The following PTPRD variants were observed in gnomAD, a reference collection of about 807,000 sequenced individuals.
PTPRD encodes protein tyrosine phosphatase receptor type D, also known as receptor-type tyrosine-protein phosphatase delta.
In PTPRD, 34 loss-of-function variants were observed where a neutral mutation model predicts 214.5. The ratio of observed to expected loss-of-function variants is 0.16; its 90% confidence interval spans 0.12 to 0.21. The LOEUF is 0.21. Ranked by LOEUF, PTPRD falls within the 10% of genes least tolerant of loss-of-function variation. The pLI, the probability that PTPRD is intolerant of heterozygous loss-of-function variation, is 1.00. For synonymous variants in PTPRD, 1,128 were observed against 845.7 expected (o/e 1.33, Z -5.79); for missense variants, 2,545 against 2,398.7 (o/e 1.06, Z -1.27).
chr9:8,517,568 C>G (rs1215596514), intron 21 of PTPRD, among the ~76,000 whole-genome samples: 1 of 152,172 alleles, frequency 6.6e-6, no homozygotes, highest in Non-Finnish European at 1.5e-5. Context: ...CAAAACTGGG[C>G]ATGGGGGAGA....
chr9:10,117,170 G>T (rs563735938), intron 3 of PTPRD, among the ~76,000 whole-genome samples: 9 of 151,928 alleles, frequency 5.9e-5, no homozygotes, highest in Non-Finnish European at 1.0e-4. Flanking sequence ...AAACATTTGT[G>T]CAACAAAAGA....
intron 8 of PTPRD, among the ~76,000 whole-genome samples, chr9:9,569,064 G>A (rs571669393): frequency 6.6e-6 from 1 of 151,676 alleles, no homozygotes; most frequent in Non-Finnish European, 1.5e-5. Context: ...CATTTTGCTA[G>A]GTAATGGCCA....
chr9:8,375,258 A>C (rs972964855), intron 39 of PTPRD, among the ~76,000 whole-genome samples: 11 of 152,106 alleles, frequency 7.2e-5, no homozygotes, highest in African/African-American at 2.6e-4. Context: ...AAAATCTATA[A>C]ACATTTATAT....
chr9:10,370,040 T>C (rs1436557175), intron 2 of PTPRD, among the ~76,000 whole-genome samples: 1 of 152,068 alleles, frequency 6.6e-6, no homozygotes, highest in African/African-American at 2.4e-5. Flanking sequence ...TTTCTACAGA[T>C]GTTGAAACTG....
intron 11 of PTPRD, among the ~76,000 whole-genome samples, chr9:8,856,522 T>C (rs2097918331): frequency 6.6e-6 from 1 of 151,972 alleles, no homozygotes; most frequent in African/African-American, 2.4e-5. Flanking sequence ...TCACTGGCAC[T>C]GTGTCTTTGC....
chr9:9,346,380 C>G (rs1264473971), intron 9 of PTPRD, among the ~76,000 whole-genome samples: 1 of 151,990 alleles, frequency 6.6e-6, no homozygotes, highest in Non-Finnish European at 1.5e-5. Flanking sequence ...GAAAAAGTAA[C>G]CAAAAATTAA....
At chr9:9,995,008 A>G (rs916895629) in intron 4 of PTPRD, among the ~76,000 whole-genome samples, 2 of 152,152 alleles carry the variant, frequency 1.3e-5, no homozygotes, top group Non-Finnish European at 2.9e-5. Flanking sequence ...ATTTACATAT[A>G]TAAGCAAAAT....
At chr9:10,530,330 GA>G (rs2055833991) in intron 2 of PTPRD, among the ~76,000 whole-genome samples, 1 of 151,756 alleles carries the variant, frequency 6.6e-6, no homozygotes, top group African/African-American at 2.4e-5. Context: ...CTTTTTAGAG[GA>G]AAAAAATCTA....
chr9:9,767,859 C>T (rs1474952056), intron 5 of PTPRD, among the ~76,000 whole-genome samples: 1 of 152,072 alleles, frequency 6.6e-6, no homozygotes, highest in Non-Finnish European at 1.5e-5. Flanking sequence ...ATCCAGTAAA[C>T]TGGATTCAGA....
At chr9:9,175,941 A>G (rs531146064) in intron 10 of PTPRD, among the ~76,000 whole-genome samples, 1 of 152,260 alleles carries the variant, frequency 6.6e-6, no homozygotes, top group Non-Finnish European at 1.5e-5. Flanking sequence ...AGAAGCACAA[A>G]GTCTTTTATA....
intron 2 of PTPRD, among the ~76,000 whole-genome samples, chr9:10,536,015 A>G (rs537386941): frequency 2.4e-4 from 36 of 152,262 alleles, no homozygotes; most frequent in African/African-American, 8.7e-4. Context: ...AGGGTATAAA[A>G]GAGTTTTTTT....
In PTPRD at chr9:10,416,199, T is replaced by A. The variant is rs1392008846; in HGVS notation, c.-599-75182A>T. On this transcript the variant is annotated intron_variant, in intron 2 of 45. Coordinates refer to ENST00000381196, the MANE Select transcript of PTPRD (RefSeq NM_002839.4). ...CCCACCTCTACTAAAAAAAAAAAAA[T>A]TAGAAAAAATTAGCCAGGCATGGTG... Among the ~76,000 whole-genome samples, 12 of 150,010 alleles carry A rather than the reference T, an allele frequency of 8.0e-5. No individual in the cohort carries two copies. The South Asian group carries it at 1.7e-3, about 21-fold the overall frequency.
intron 3 of PTPRD, among the ~76,000 whole-genome samples, chr9:10,123,436 A>G (rs1247495405): frequency 6.6e-6 from 1 of 152,170 alleles, no homozygotes; most frequent in Non-Finnish European, 1.5e-5. Flanking sequence ...ATTTGCTTTT[A>G]TTTGCCTTTC....
rs1242406289 is a variant in PTPRD at position 10,587,517 on chromosome 9, A to G, written c.-600+24881T>C. On this transcript the variant is annotated intron_variant, in intron 2 of 45. Transcript: ENST00000381196. ...AGAGTTGCAGGAGGAAAGAGGAGAA[A>G]GGGAGATGCTAATATTTAAGGAAAG... Among the ~76,000 whole-genome samples the G allele has an allele frequency of 2.0e-5, 3 of 152,048 alleles. No homozygotes were observed. The East Asian group carries it at 5.8e-4, about 29-fold the overall frequency.
chr9:8,721,689 T>A (rs1415697363), intron 12 of PTPRD, among the ~76,000 whole-genome samples: 1 of 152,194 alleles, frequency 6.6e-6, no homozygotes, highest in Non-Finnish European at 1.5e-5. Flanking sequence ...CCTATAATTA[T>A]CATCTAATAC....
At chr9:10,281,443 TC>T (rs2154394435) in intron 3 of PTPRD, among the ~76,000 whole-genome samples, 1 of 152,326 alleles carries the variant, frequency 6.6e-6, no homozygotes, top group South Asian at 2.1e-4. Flanking sequence ...TATGGAAATG[TC>T]CAAATCTCAC....
rs146759884 is a variant in PTPRD, at chr9:10,361,930, G to A, written c.-599-20913C>T. ...GGCACACATATTTCTTCTATGCAGA[G>A]AACAAAAGAAAAAGTTATCTCTGAT... On this transcript the variant is annotated intron_variant, in intron 2 of 45. Transcript: ENST00000381196. Among the ~76,000 whole-genome samples, 32 of 152,248 alleles carry A rather than the reference G, an allele frequency of 2.1e-4. No homozygotes were observed. In the East Asian group the frequency reaches 5.2e-3, roughly 25 times the overall value.
chr9:9,996,770 T>C (rs1588472752), intron 4 of PTPRD, among the ~76,000 whole-genome samples: 1 of 152,164 alleles, frequency 6.6e-6, no homozygotes, highest in African/African-American at 2.4e-5. Flanking sequence ...CGGCAAGGAA[T>C]ACAGACTTTA....
intron 2 of PTPRD, among the ~76,000 whole-genome samples, chr9:10,496,136 C>G (rs945521725): frequency 6.6e-6 from 1 of 151,344 alleles, no homozygotes; most frequent in Non-Finnish European, 1.5e-5. Context: ...TAAAAAACAG[C>G]CTTTGTTTAA....
Sources: gnomAD v4.1 joint callset for allele counts (sites outside exome capture counted in the v4.1 genomes callset) on GRCh38, gnomAD v4.1.1 for gene constraint, MANE v1.5 for transcripts, NCBI Gene and HGNC (gene_info 2026-07-23, HGNC 2026-07-21) for gene names.